Variants in TRIO observed in about 807,000 individuals in gnomAD.
TRIO encodes triple functional domain protein.
Under a neutral mutation model 351.9 loss-of-function variants are expected in TRIO, and 58 were observed. The ratio of observed to expected loss-of-function variants is 0.16; its 90% CI spans 0.13 to 0.21. TRIO has a LOEUF of 0.21. Among genes scored for constraint, TRIO ranks in the 10% least tolerant of loss-of-function variants. The pLI is 1.00. For missense variants in TRIO, 3,201 were observed against 4,027.8 expected, an observed-to-expected ratio of 0.79 and a Z score of 5.56; for synonymous variants, 1,758 against 1,595.7, an observed-to-expected ratio of 1.10 and a Z score of -2.42.
chr5:14,502,796 C>T, intron 54 of TRIO, 139 bp downstream of exon 54: 1 of 846,294 alleles, frequency 1.2e-6, no homozygotes, highest in Non-Finnish European at 1.9e-6. Flanking sequence ...TCGTAACTCT[C>T]ATTGCCTTTA....
chr5:14,498,748 A>C (rs1757074574), intron 53 of TRIO, 108 bp downstream of exon 53: 3 of 1,508,936 alleles, frequency 2.0e-6, no homozygotes. Context: ...TGAAAGATAG[A>C]ACAATAAGTC....
chr5:14,369,877 G>C (rs909563961), intron 18 of TRIO, among the ~76,000 whole-genome samples: 10 of 152,170 alleles, frequency 6.6e-5, no homozygotes, highest in African/African-American at 2.4e-4. Flanking sequence ...TTCCTTTGGA[G>C]ACTCAGCCTC....
intron 34 of TRIO, among the ~76,000 whole-genome samples, chr5:14,424,322 G>C (rs1031449455): frequency 6.6e-6 from 1 of 152,076 alleles, no homozygotes; most frequent in Non-Finnish European, 1.5e-5. Context: ...TTTCAAATAT[G>C]TCTAGAAGAA....
chr5:14,187,154 A>T (rs988128108), intron 1 of TRIO, among the ~76,000 whole-genome samples: 10 of 152,218 alleles, frequency 6.6e-5, no homozygotes, highest in African/African-American at 2.4e-4. Flanking sequence ...GGTCTCTCTT[A>T]CGTGTCTAAT....
chr5:14,475,561 T>A (rs551436652), intron 40 of TRIO, among the ~76,000 whole-genome samples: 1 of 152,310 alleles, frequency 6.6e-6, no homozygotes, highest in East Asian at 1.9e-4. Context: ...GTCAGAGAGG[T>A]CTTTATTTTC....
intron 41 of TRIO, 35 bp from the exon 42 acceptor site, chr5:14,479,226 G>A: frequency 6.4e-7 from 1 of 1,566,974 alleles, no homozygotes; most frequent in East Asian, 2.2e-5. Context: ...ATTTCCCATT[G>A]TTATAACCCA....
At position 14,316,565 on chromosome 5, in the gene TRIO, C is replaced by T; in HGVS notation, c.1553C>T (p.Pro518Leu). 6.2e-7 allele frequency: 1 copy of T among 1,614,202 alleles called. No homozygotes were observed. ...GACAAGCTCCAGCGGCCCTTGACTC[C>T]CGGCAGCTCCGATTCCCTGACAGCC... ...LLDKLQRPLTPGSSDSLTASA... is the reference protein window; with the variant it reads ...LLDKLQRPLTLGSSDSLTASA... The change falls in exon 9 of 57, where the codon CCC (proline) becomes CTC (leucine). Residue 518 changes from proline (P) to leucine (L), a missense_variant. Physicochemically the swap from Pro to Leu is moderately conservative, Grantham distance 98. This residue lies in a region of TRIO where 349 missense variants were observed against 449.3 expected (regional missense o/e 0.78). Transcript: ENST00000344204.
chr5:14,227,825 A>G (rs895807812), intron 1 of TRIO, among the ~76,000 whole-genome samples: 2 of 152,232 alleles, frequency 1.3e-5, no homozygotes, highest in South Asian at 4.1e-4. Flanking sequence ...TTTAGTCTCA[A>G]TGGAAAGGTT....
intron 10 of TRIO, among the ~76,000 whole-genome samples, chr5:14,334,593 T>G (rs948689581): frequency 6.6e-6 from 1 of 152,190 alleles, no homozygotes; most frequent in Admixed American, 6.5e-5. Context: ...GTGGTGATCA[T>G]AGGAAAACAG....
intron 24 of TRIO, 145 bp from the exon 25 acceptor site, chr5:14,389,144 G>T (rs1414053984): frequency 1.7e-6 from 1 of 588,236 alleles, no homozygotes. Context: ...TTTTAGAAGG[G>T]TTTTTTATGT....
chr5:14,306,894 A>C (rs1398219646), intron 8 of TRIO, among the ~76,000 whole-genome samples: 2 of 152,134 alleles, frequency 1.3e-5, no homozygotes, highest in Admixed American at 6.5e-5. Context: ...GTTTTATTTG[A>C]TTTACATTGG....
chr5:14,388,378 G>A (rs568114958), intron 23 of TRIO, among the ~76,000 whole-genome samples: 1 of 152,216 alleles, frequency 6.6e-6, no homozygotes, highest in Non-Finnish European at 1.5e-5. Flanking sequence ...GATGTCCACA[G>A]TGCCAGGTTG....
At chr5:14,271,456 C>G (rs968286421) in intron 2 of TRIO, among the ~76,000 whole-genome samples, 1 of 152,190 alleles carries the variant, frequency 6.6e-6, no homozygotes, top group African/African-American at 2.4e-5. Context: ...CTTTGAGGCC[C>G]TGGCCCGCCC....
At position 14,365,302 on chromosome 5, in the gene TRIO, A is replaced by G. The variant is rs376568896; in HGVS notation, c.2754+486A>G. Among the ~76,000 whole-genome samples, 201 of 152,364 alleles carry G rather than the reference A, an allele frequency of 1.3e-3. 1 individual carries two copies. Among genetic ancestry groups the G allele is most frequent in the African/African-American group, 4.4e-3 (184 of 41,596 alleles). ...AAGGGATTGCTTTTGGCTCAGTGCCAGTGGGATTCTGTGCATGGATATGAC... is the reference window on the plus strand; with the variant it reads ...AAGGGATTGCTTTTGGCTCAGTGCCGGTGGGATTCTGTGCATGGATATGAC... On this transcript the variant is annotated intron_variant, in intron 15 of 56. Transcript: ENST00000344204.
chr5:14,384,483 C>A (rs1160242723), intron 21 of TRIO, among the ~76,000 whole-genome samples: 3 of 151,972 alleles, frequency 2.0e-5, no homozygotes, highest in Admixed American at 2.0e-4. Context: ...GTAACGATCT[C>A]TAGAGATAAC....
chr5:14,296,661 T>C (rs1488009372), intron 6 of TRIO, among the ~76,000 whole-genome samples: 1 of 152,162 alleles, frequency 6.6e-6, no homozygotes, highest in Non-Finnish European at 1.5e-5. Flanking sequence ...TTTTTGGGTT[T>C]CTGGGTTCTG....
intron 11 of TRIO, among the ~76,000 whole-genome samples, chr5:14,355,509 AT>A (rs2152334023): frequency 6.6e-6 from 1 of 152,270 alleles, no homozygotes; most frequent in East Asian, 1.9e-4. Flanking sequence ...AATTTAAGTG[AT>A]CTTTTAGGTC....
At chr5:14,488,711 CT>C (rs1756238915) in intron 48 of TRIO, 1 of 564,522 alleles carries the variant, frequency 1.8e-6, no homozygotes, top group Non-Finnish European at 3.2e-6. Flanking sequence ...GCATTTTTGA[CT>C]CATCTGCTGG....
intron 1 of TRIO, among the ~76,000 whole-genome samples, chr5:14,163,469 G>T (rs1788594796): frequency 6.6e-6 from 1 of 152,306 alleles, no homozygotes; most frequent in South Asian, 2.1e-4. Flanking sequence ...TTCTTAAAGT[G>T]CTGGGATTAT....
Sources: gnomAD v4.1 joint callset for allele counts (sites outside exome capture counted in the v4.1 genomes callset) on GRCh38, gnomAD v4.1.1 for gene constraint, gnomAD v4.1.1 regional missense constraint, MANE v1.5 for transcripts, NCBI Gene and HGNC (gene_info 2026-07-23, HGNC 2026-07-21) for gene names.